SIM2: variants seen among roughly 807,000 people sequenced by gnomAD.
SIM2 encodes single-minded homolog 2.
A neutral mutation model predicts 64.8 loss-of-function variants in SIM2; 28 were observed. That is an observed-to-expected ratio of 0.43 (90% CI 0.32 to 0.59). The LOEUF is 0.59. Ranked by LOEUF, SIM2 falls within the 20% of genes least tolerant of loss-of-function variation. The pLI, the probability that SIM2 is intolerant of heterozygous loss-of-function variation, is 0.07. For missense variants in SIM2, 847 were observed against 871.4 expected (o/e 0.97, Z 0.35); for synonymous variants, 408 against 391.1 (o/e 1.04, Z -0.51).
chr21:36,739,979 AAGAG>A (rs1453361399), intron 7 of SIM2, among the ~76,000 whole-genome samples: 35 of 147,910 alleles, frequency 2.4e-4, no homozygotes, highest in African/African-American at 8.2e-4. Context: ...AAAAAAAAAA[AAGAG>A]AAAGAAGAGA....
Position 36,699,731 on chromosome 21 carries a change from C to G in SIM2, c.-16C>G. ...TGGAGCACGGCCGGGTCTAATATGC[C>G]CGGAGCCGAGGCGCGATGAAGGAGA... On this transcript the variant is annotated 5_prime_UTR_variant, in exon 1 of 11. Coordinates refer to ENST00000290399, the MANE Select transcript of SIM2 (RefSeq NM_005069.6). This position sits in a 1 kb window ranked among gnomAD's most constrained non-coding sequence, Gnocchi z 5.6. The G allele has an allele frequency of 6.2e-7, 1 of 1,611,248 alleles. No homozygotes were observed. The highest frequency in any genetic ancestry group is 1.7e-5 in the Admixed American group (1 of 59,866).
chr21:36,733,563 T>C (rs2089000750), intron 7 of SIM2, among the ~76,000 whole-genome samples: 1 of 149,836 alleles, frequency 6.7e-6, no homozygotes, highest in Non-Finnish European at 1.5e-5. Context: ...AGCAGGGATT[T>C]TTTTTTTTTT....
chr21:36,736,230 C>T lies in SIM2; in HGVS notation c.850+5079C>T, dbSNP rs151295612. Among the ~76,000 whole-genome samples, 7 of 152,200 alleles carry T rather than the reference C, an allele frequency of 4.6e-5. No individual in the cohort carries two copies. The South Asian group carries it at 8.3e-4, about 18-fold the overall frequency. On this transcript the variant is annotated intron_variant, in intron 7 of 10. Coordinates refer to ENST00000290399, the MANE Select transcript of SIM2 (RefSeq NM_005069.6). ...TGTCGTGGGCAGTGGGTGAGGTCACCGAGAGCAGGAACAAAGCAGACAGCT... is the reference window on the plus strand; with the variant it reads ...TGTCGTGGGCAGTGGGTGAGGTCACTGAGAGCAGGAACAAAGCAGACAGCT...
chr21:36,744,311 C>CAAAAAAA (rs60354140), intron 9 of SIM2, among the ~76,000 whole-genome samples: 2 of 41,674 alleles, frequency 4.8e-5, no homozygotes, highest in Non-Finnish European at 5.7e-5. Context: ...CACATTATGA[C>CAAAAAAA]AAAAAAAAAA....
chr21:36,700,154 C>A (rs115030259), intron 1 of SIM2, among the ~76,000 whole-genome samples: 9,045 of 152,250 alleles, frequency 0.059, 887 homozygotes, highest in African/African-American at 0.21. Flanking sequence ...TGGGTGAGGG[C>A]GAATTACGAA....
chr21:36,741,898 T>G (rs755208254), intron 8 of SIM2, 34 bp downstream of exon 8: 144 of 1,519,980 alleles, frequency 9.5e-5, no homozygotes, highest in Non-Finnish European at 1.1e-4. Context: ...CTCCTTGCTC[T>G]TTTCTCTTCC....
intron 3 of SIM2, among the ~76,000 whole-genome samples, chr21:36,714,817 T>C (rs777683732): frequency 3.3e-5 from 5 of 152,182 alleles, no homozygotes; most frequent in Admixed American, 2.0e-4. Context: ...AGGACCAAAA[T>C]ATTGGATAGG....
intron 5 of SIM2, among the ~76,000 whole-genome samples, chr21:36,723,768 T>C (rs1046584085): frequency 4.6e-5 from 7 of 152,324 alleles, no homozygotes; most frequent in Middle Eastern, 3.4e-3. Flanking sequence ...TCCACGTCTC[T>C]GCCAGACACC....
chr21:36,711,339 A>G (rs2088674839), intron 2 of SIM2, among the ~76,000 whole-genome samples: 1 of 152,238 alleles, frequency 6.6e-6, no homozygotes, highest in Non-Finnish European at 1.5e-5. Context: ...TTTTTGGAAC[A>G]CCACAGGTTT....
intron 7 of SIM2, among the ~76,000 whole-genome samples, chr21:36,739,783 A>G (rs2089129785): frequency 6.6e-6 from 1 of 152,162 alleles, no homozygotes; most frequent in African/African-American, 2.4e-5. Context: ...ATAGTTTGCC[A>G]TAATGGCAAA....
At chr21:36,704,195 C>T (rs897533655) in intron 1 of SIM2, among the ~76,000 whole-genome samples, 4 of 152,332 alleles carry the variant, frequency 2.6e-5, no homozygotes, top group Admixed American at 1.3e-4. Context: ...ACCACTTCCA[C>T]CTGAGCACAC....
chr21:36,740,109 A>C (rs1474384244), intron 7 of SIM2, among the ~76,000 whole-genome samples: 1 of 140,452 alleles, frequency 7.1e-6, no homozygotes. Flanking sequence ...TTGGCCTTTC[A>C]TTTTTTTTTT....
intron 9 of SIM2, among the ~76,000 whole-genome samples, chr21:36,744,289 C>T (rs1348359475): frequency 1.0e-4 from 12 of 114,478 alleles, no homozygotes; most frequent in East Asian, 2.9e-4. Flanking sequence ...ACCAGTTGAA[C>T]GTCACGGCCT....
At chr21:36,733,125 A>G (rs930921607) in intron 7 of SIM2, among the ~76,000 whole-genome samples, 31 of 152,326 alleles carry the variant, frequency 2.0e-4, no homozygotes, top group Admixed American at 1.8e-3. Context: ...AGTTTAAAGC[A>G]TACCCCCGAA....
At position 36,749,105 on chromosome 21, in the gene SIM2, G is replaced by C. The variant is rs146981517; in HGVS notation, c.*1013G>C. ...TCTACACAGCGAGAAAACTTCGTAA[G>C]AACATGTTACGTGTGCAACAGGTAA... On this transcript the variant is annotated 3_prime_UTR_variant, in exon 11 of 11. Coordinates refer to ENST00000290399, the MANE Select transcript of SIM2 (RefSeq NM_005069.6). The C allele has an allele frequency of 6.6e-6, 1 of 152,658 alleles. No individual in the cohort carries two copies. The highest frequency in any genetic ancestry group is 1.5e-5 in the Non-Finnish European group (1 of 68,028). The allele number at this position is 152,658 out of a possible 1,614,324, so 9.5% of individuals were successfully genotyped here. A position where few individuals can be genotyped will look rare whatever the true frequency, so the allele number is the denominator to read the frequency against.
chr21:36,731,203 C>T (rs1006111359), intron 7 of SIM2, 52 bp downstream of exon 7: 16 of 1,367,010 alleles, frequency 1.2e-5, no homozygotes, highest in Middle Eastern at 1.9e-4. Context: ...AGGGAGGAGG[C>T]GCTGAGGACA....
chr21:36,702,723 G>C (rs2088519883), intron 1 of SIM2, among the ~76,000 whole-genome samples: 1 of 152,102 alleles, frequency 6.6e-6, no homozygotes, highest in South Asian at 2.1e-4. Flanking sequence ...GGTTGGAATA[G>C]GATCTGTCTG....
chr21:36,742,177 C>T (rs1286999098), intron 8 of SIM2, among the ~76,000 whole-genome samples: 6 of 151,836 alleles, frequency 4.0e-5, no homozygotes, highest in African/African-American at 1.5e-4. Flanking sequence ...GGTGATGCCC[C>T]CCATCCTGAA....
intron 8 of SIM2, among the ~76,000 whole-genome samples, chr21:36,743,045 T>C (rs2089183666): frequency 6.6e-6 from 1 of 152,190 alleles, no homozygotes; most frequent in Non-Finnish European, 1.5e-5. Flanking sequence ...GGTGTGCATG[T>C]TGGATGCAGG....
Sources: allele counts gnomAD v4.1 joint callset (sites outside exome capture counted in the v4.1 genomes callset), GRCh38; gene constraint gnomAD v4.1.1; non-coding constraint Gnocchi (gnomAD v3.1); transcripts MANE v1.5; gene names NCBI Gene and HGNC (gene_info 2026-07-23, HGNC 2026-07-21).